KLK5: variants seen among roughly 807,000 people sequenced by gnomAD.
KLK5 encodes the protein kallikrein related peptidase 5, also known as kallikrein-5.
Under a neutral mutation model 24.0 loss-of-function variants are expected in KLK5, and 18 were observed. That is an observed-to-expected ratio of 0.75 (90% confidence interval 0.52 to 1.11). The LOEUF is 1.11. Among genes scored for constraint, KLK5 ranks in the 50% most tolerant of loss-of-function variants. The pLI is 0.00. For missense variants in KLK5, 374 were observed against 379.2 expected, an observed-to-expected ratio of 0.99 and a Z score of 0.11; for synonymous variants, 140 against 154.0, an observed-to-expected ratio of 0.91 and a Z score of 0.67.
chr19:50,945,339 G>A (rs898812445), intron 5 of KLK5, among the ~76,000 whole-genome samples: 2 of 150,958 alleles, frequency 1.3e-5, no homozygotes, highest in Non-Finnish European at 2.9e-5. Flanking sequence ...TCCACTTGGG[G>A]AACATGAGGT....
intron 2 of KLK5, chr19:50,950,367 G>A (rs1350869032): frequency 3.6e-6 from 2 of 555,068 alleles, no homozygotes; most frequent in South Asian, 4.2e-5. Flanking sequence ...AGAACTACAT[G>A]TGAGGGTAAA....
rs780972904 is a variant in KLK5, at chr19:50,949,910, C to T, written c.280G>A (p.Gly94Arg). 12 of 1,613,308 alleles carry T rather than the reference C, an allele frequency of 7.4e-6. No homozygotes were observed. Among genetic ancestry groups the T allele is most frequent in the African/African-American group, 4.0e-5 (3 of 74,654 alleles). ...LLLRPNQLYC[G>R]AVLVHPQWLL... is the part of the protein sequence containing the mutation. ...CACTGTGGATGCACCAACACCGCCC[C>T]GCAGTAGAGCTGGTTGGGCCTTAGC... The change falls in exon 3 of 6, where the codon GGG (glycine) becomes AGG (arginine). Residue 94 changes from glycine (G) to arginine (R), a missense_variant. Physicochemically the swap from Gly to Arg is moderately radical, Grantham distance 125. Coordinates refer to ENST00000336334, the MANE Select transcript of KLK5 (RefSeq NM_012427.5).
intron 2 of KLK5, among the ~76,000 whole-genome samples, chr19:50,951,074 C>A (rs1487568892): frequency 2.0e-5 from 3 of 151,866 alleles, no homozygotes; most frequent in Non-Finnish European, 2.9e-5. Context: ...GTTCCGAAAG[C>A]AGGACCAGGA....
rs1690333432 is a variant in KLK5 at position 50,948,688 on chromosome 19, A to T, written c.678T>A (p.Asp226Glu). The T allele has an allele frequency of 6.2e-7, 1 of 1,613,988 alleles. No individual in the cohort carries two copies. The highest frequency in any genetic ancestry group is 1.3e-5 in the African/African-American group (1 of 74,906). ...RCEDAYPRQI[D>E]DTMFCAGDKA... ...TGTCACCGGCGCAGAACATGGTGTCATCTATCTGTCTCGGGTAAGCATCCT... is the reference window on the plus strand; with the variant it reads ...TGTCACCGGCGCAGAACATGGTGTCTTCTATCTGTCTCGGGTAAGCATCCT... Residue 226 changes from aspartate (D) to glutamate (E), a missense_variant, in exon 5 of 6, where the codon GAT becomes GAA. Transcript: ENST00000336334.
In KLK5 at chr19:50,948,970, TG is replaced by T; in HGVS notation, c.480del (p.Asn160LysfsTer48). 1 of 1,614,058 alleles carries T rather than the reference TG, an allele frequency of 6.2e-7. No individual in the cohort carries two copies. Among genetic ancestry groups the T allele is most frequent in the Non-Finnish European group, 8.5e-7 (1 of 1,180,004 alleles). ...HSNDLMLIKL[N>X]RRIRPTKDVR... is the part of the protein sequence containing the mutation. The stretch of plus-strand genomic sequence containing the variant: ...ACATCTTTAGTGGGACGAATTCTTC[TG>T]TTCAGTTTGATGAGCATGAGGTCGT... On this transcript the variant is annotated frameshift_variant, in exon 4 of 6. Transcript: ENST00000336334. LOFTEE classifies it high-confidence loss of function.
chr19:50,949,800 C>CCCGCCCTCACCCCCATGACAA, intron 3 of KLK5, 55 bp downstream of exon 3: 1 of 235,562 alleles, frequency 4.2e-6, no homozygotes. Context: ...CACTTCCCCA[C>CCCGCCCTCACCCCCATGACAA]CCCCACCCCC....
rs773560373 is a variant in KLK5, at chr19:50,943,737, A to T, written c.776T>A (p.Val259Glu). The part of the protein sequence containing the change: ...VVCNGSLQGL[V>E]SWGDYPCARP... ...GGCACAAGGGTAATCTCCCCAGGAC[A>T]CGAGTCCCTGCAGGGAGCCATTGCA... The change falls in exon 6 of 6, where the codon GTG becomes GAG. Residue 259 changes from valine (V) to glutamate (E), a missense_variant. Physicochemically the swap from Val to Glu is moderately radical, Grantham distance 121 (BLOSUM62 -2). Transcript: ENST00000336334. The T allele has an allele frequency of 6.2e-7, 1 of 1,613,882 alleles. No individual in the cohort carries two copies. Among genetic ancestry groups the T allele is most frequent in the Non-Finnish European group, 8.5e-7 (1 of 1,179,866 alleles).
intron 5 of KLK5, among the ~76,000 whole-genome samples, chr19:50,945,759 C>G (rs905107859): frequency 7.0e-6 from 1 of 143,672 alleles, no homozygotes; most frequent in South Asian, 2.3e-4. Flanking sequence ...CCATTGCACT[C>G]CAGCCTGGGT....
Position 50,949,942 on chromosome 19 carries a change from G to T in KLK5, c.248C>A (p.Ala83Glu). The T allele has an allele frequency of 6.2e-6, 10 of 1,613,664 alleles. No homozygotes were observed. The highest frequency in any genetic ancestry group is 7.6e-6 in the Non-Finnish European group (9 of 1,179,986). Residue 83 changes from alanine to glutamate, a missense_variant, in exon 3 of 6, where the codon GCG (alanine) becomes GAG (glutamate). Coordinates refer to ENST00000336334, the MANE Select transcript of KLK5 (RefSeq NM_012427.5). ...CDMHTQPWQA[A>E]LLLRPNQLYC... Reference sequence around the variant, plus strand: ...GAGCTGGTTGGGCCTTAGCAACAGCGCGGCCTGCCACGGCTGGGTGTGCAT... The same window carrying T: ...GAGCTGGTTGGGCCTTAGCAACAGCTCGGCCTGCCACGGCTGGGTGTGCAT...
At chr19:50,948,212 C>G (rs1388250405) in intron 5 of KLK5, among the ~76,000 whole-genome samples, 1 of 152,050 alleles carries the variant, frequency 6.6e-6, no homozygotes, top group East Asian at 1.9e-4. Flanking sequence ...ACCTCCACCT[C>G]CTGGGTTTAA....
chr19:50,945,150 G>A (rs1175592126), intron 5 of KLK5, among the ~76,000 whole-genome samples: 2 of 146,802 alleles, frequency 1.4e-5, no homozygotes, highest in African/African-American at 5.1e-5. Context: ...CACCCAGGCT[G>A]CTGTCTGGAG....
intron 2 of KLK5, among the ~76,000 whole-genome samples, chr19:50,951,294 C>T (rs2090685700): frequency 6.6e-6 from 1 of 151,288 alleles, no homozygotes; most frequent in Non-Finnish European, 1.5e-5. Flanking sequence ...TCTTTCGAGA[C>T]GGAGTTTCGC....
At position 50,948,946 on chromosome 19, in the gene KLK5, C is replaced by A; in HGVS notation, c.505G>T (p.Val169Phe). 5 of 1,614,036 alleles carry A rather than the reference C, an allele frequency of 3.1e-6. No homozygotes were observed. The highest frequency in any genetic ancestry group is 4.2e-6 in the Non-Finnish European group (5 of 1,179,986). The stretch of plus-strand genomic sequence containing the variant: ...TGAGAGGAGACGTTGATGGGTCTGA[C>A]ATCTTTAGTGGGACGAATTCTTCTG... The part of the protein sequence containing the change: ...LNRRIRPTKD[V>F]RPINVSSHCP... Residue 169 changes from valine to phenylalanine, a missense_variant, in exon 4 of 6, where the codon GTC becomes TTC. Transcript: ENST00000336334.
At position 50,943,503 on chromosome 19, in the gene KLK5, G is replaced by A; in HGVS notation, c.*128C>T. 8.0e-6 allele frequency: 7 copies of A among 878,266 alleles called. No homozygotes were observed. Among genetic ancestry groups the A allele is most frequent in the Non-Finnish European group, 1.3e-5 (7 of 552,250 alleles). 54.4% of individuals were successfully genotyped at this position (878,266 alleles called of 1,614,324 possible). ...GGGGAAGCAGACCCTGAGTCCAGGAGACATGGGGTCAGGGGCTGGAGAGAT... is the reference window on the plus strand; with the variant it reads ...GGGGAAGCAGACCCTGAGTCCAGGAAACATGGGGTCAGGGGCTGGAGAGAT... On this transcript the variant is annotated 3_prime_UTR_variant, in exon 6 of 6. Transcript: ENST00000336334.
intron 5 of KLK5, among the ~76,000 whole-genome samples, chr19:50,945,060 C>T (rs950534653): frequency 7.5e-6 from 1 of 132,936 alleles, no homozygotes; most frequent in Non-Finnish European, 1.6e-5. Flanking sequence ...TCCTTTCTTT[C>T]TCCTTCCTTC....
At chr19:50,944,974 CTTTCTTTCTTTCTT>C (rs1462962510) in intron 5 of KLK5, among the ~76,000 whole-genome samples, 4 of 150,708 alleles carry the variant, frequency 2.7e-5, no homozygotes, top group African/African-American at 7.3e-5. Flanking sequence ...TTTCTTTCTT[CTTTCTTTCTTTCTT>C]TTTCTTTCTT....
intron 5 of KLK5, among the ~76,000 whole-genome samples, chr19:50,946,716 C>A (rs572841570): frequency 6.6e-6 from 1 of 152,088 alleles, no homozygotes; most frequent in South Asian, 2.1e-4. Context: ...CCTGCCACCA[C>A]GCCCGGCTAA....
At chr19:50,951,637 C>T (rs2090688680) in intron 2 of KLK5, among the ~76,000 whole-genome samples, 1 of 152,164 alleles carries the variant, frequency 6.6e-6, no homozygotes, top group South Asian at 2.1e-4. Flanking sequence ...AAGAACCACG[C>T]GCACAACAGC....
chr19:50,951,515 G>T (rs755697210), intron 2 of KLK5, among the ~76,000 whole-genome samples: 2 of 152,000 alleles, frequency 1.3e-5, no homozygotes, highest in African/African-American at 4.8e-5. Context: ...CAGGTGATCC[G>T]CCTGCCTCGG....
Sources: gnomAD v4.1 joint callset for allele counts (sites outside exome capture counted in the v4.1 genomes callset) on GRCh38, gnomAD v4.1.1 for gene constraint, MANE v1.5 for transcripts, NCBI Gene and HGNC (gene_info 2026-07-23, HGNC 2026-07-21) for gene names.